PSEN2: variants seen among roughly 807,000 people sequenced by gnomAD.
The protein encoded by PSEN2 is presenilin-2.
Under a neutral mutation model 49.1 loss-of-function variants are expected in PSEN2, and 32 were observed. That is an observed-to-expected ratio of 0.65 (90% CI 0.49 to 0.88). The LOEUF (loss-of-function observed/expected upper bound fraction) is 0.88. Ranked by LOEUF, PSEN2 falls within the 40% of genes least tolerant of loss-of-function variation. The pLI is 0.00. For missense variants in PSEN2, 522 were observed against 586.9 expected, an observed-to-expected ratio of 0.89 and a Z score of 1.14; for synonymous variants, 255 against 244.0, an observed-to-expected ratio of 1.05 and a Z score of -0.42.
intron 2 of PSEN2, among the ~76,000 whole-genome samples, chr1:226,871,654 G>A (rs1335539228): frequency 1.3e-5 from 2 of 152,226 alleles, no homozygotes; most frequent in African/African-American, 4.8e-5. Flanking sequence ...TGTCTACGAA[G>A]TAACTTGATT....
downstream of PSEN2, chr1:226,899,123 A>G (rs959358345): frequency 3.9e-5 from 6 of 152,156 alleles, no homozygotes; most frequent in Non-Finnish European, 7.4e-5. Flanking sequence ...TAATTTTTAA[A>G]TGTTAATGTT....
chr1:226,891,336 C>T lies in PSEN2; in HGVS notation c.945C>T (p.Leu315=), dbSNP rs1661729271. 1.2e-6 allele frequency: 2 copies of T among 1,613,804 alleles called. No homozygotes were observed. Among genetic ancestry groups the T allele is most frequent in the Non-Finnish European group, 1.7e-6 (2 of 1,179,930 alleles). ...TGGACCCCTCCTCTCAGGGTGCCCT[C>T]CAGCTCCCCTACGACCCGGAGATGG... ...AKLDPSSQGA[L]QLPYDPEMEE... The change falls in exon 10 of 13, where the codon CTC becomes CTT. Residue 315 remains leucine (L), a synonymous_variant. Transcript: ENST00000366783.
intron 3 of PSEN2, among the ~76,000 whole-genome samples, chr1:226,878,593 G>C (rs1660782423): frequency 6.6e-6 from 1 of 152,172 alleles, no homozygotes; most frequent in Admixed American, 6.5e-5. Context: ...GGGTCTGAAG[G>C]GTGAGCCTGC....
intron 4 of PSEN2, among the ~76,000 whole-genome samples, chr1:226,882,539 A>G (rs1661067959): frequency 6.6e-6 from 1 of 152,180 alleles, no homozygotes; most frequent in South Asian, 2.1e-4. Flanking sequence ...AACGTTAGAA[A>G]GAGTAGGATA....
downstream of PSEN2, among the ~76,000 whole-genome samples, chr1:226,897,009 C>G (rs1253292517): frequency 1.3e-5 from 2 of 152,094 alleles, no homozygotes; most frequent in African/African-American, 4.8e-5. Context: ...TGAGGAAGGG[C>G]AGAGGAAAAT....
At position 226,894,068 on chromosome 1, in the gene PSEN2, T is replaced by C. The variant is rs761844882; in HGVS notation, c.1134T>C (p.Ala378=). ...ACAGTGTGCTGGTGGGCAAGGCGGC[T>C]GCCACGGGCAGCGGGGACTGGAATA... ...IFYSVLVGKA[A]ATGSGDWNTT... The change falls in exon 12 of 13, where the codon GCT becomes GCC. Residue 378 remains alanine, a synonymous_variant. Coordinates refer to ENST00000366783, the MANE Select transcript of PSEN2 (RefSeq NM_000447.3). 7 of 1,614,232 alleles carry C rather than the reference T, an allele frequency of 4.3e-6. No individual in the cohort carries two copies. Among genetic ancestry groups the C allele is most frequent in the Non-Finnish European group, 5.9e-6 (7 of 1,180,036 alleles).
intron 9 of PSEN2, chr1:226,890,492 G>T (rs1287244270): frequency 9.0e-6 from 3 of 332,530 alleles, no homozygotes; most frequent in Admixed American, 4.1e-5. Context: ...GGGTCGGGGA[G>T]CAAGGAGCTT....
downstream of PSEN2, among the ~76,000 whole-genome samples, chr1:226,900,725 C>T (rs987290331): frequency 6.6e-6 from 1 of 152,146 alleles, no homozygotes. Flanking sequence ...AGATACTTGT[C>T]AGTACATGTG....
chr1:226,886,447 A>G (rs1283440243), intron 6 of PSEN2, among the ~76,000 whole-genome samples: 1 of 152,166 alleles, frequency 6.6e-6, no homozygotes, highest in African/African-American at 2.4e-5. Context: ...GAGTAGTGGA[A>G]GGGCAGATCC....
At chr1:226,898,636 C>CA (rs1198497089), downstream of PSEN2, 5 of 152,126 alleles carry the variant, frequency 3.3e-5, no homozygotes, top group Non-Finnish European at 7.3e-5. Context: ...TTTTTTTAGA[C>CA]AGAGTCTCGC....
intron 3 of PSEN2, among the ~76,000 whole-genome samples, chr1:226,877,895 G>A (rs1660734352): frequency 6.6e-6 from 1 of 152,160 alleles, no homozygotes; most frequent in African/African-American, 2.4e-5. Context: ...GGCAGTCAGC[G>A]AGTGTGGATG....
At chr1:226,902,288 C>T (rs764377971) in intron 12 of PSEN2, among the ~76,000 whole-genome samples, 20 of 152,142 alleles carry the variant, frequency 1.3e-4, no homozygotes, top group Non-Finnish European at 2.2e-4. Flanking sequence ...TGGTAATGCT[C>T]ATCTCCACCG....
intron 2 of PSEN2, among the ~76,000 whole-genome samples, chr1:226,873,990 G>A (rs372021951): frequency 7.9e-5 from 12 of 152,180 alleles, no homozygotes; most frequent in East Asian, 5.8e-4. Context: ...TCCTCCCCAT[G>A]CCCATATGTG....
At chr1:226,888,070 C>A (rs779026658) in intron 6 of PSEN2, 21 bp from the exon 7 acceptor site, 6 of 1,604,836 alleles carry the variant, frequency 3.7e-6, no homozygotes, top group Non-Finnish European at 5.1e-6. Context: ...ACCTTGTGAT[C>A]GTGCAATTTC....
rs1270484978 is a variant in PSEN2 at position 226,872,811 on chromosome 1, C to A, written c.-207+1407C>A. Among the ~76,000 whole-genome samples the A allele has an allele frequency of 4.6e-5, 7 of 152,264 alleles. No homozygotes were observed. The East Asian group carries it at 1.3e-3, about 29-fold the overall frequency. On this transcript the variant is annotated intron_variant, in intron 2 of 12. Transcript: ENST00000366783. Reference sequence around the variant, plus strand: ...GAAAGGCGGGGGTGAGGCTGAGAGGCCCCGAGAGGAACATTTTCCACTGGG... The same window carrying A: ...GAAAGGCGGGGGTGAGGCTGAGAGGACCCGAGAGGAACATTTTCCACTGGG...
At position 226,886,642 on chromosome 1, in the gene PSEN2, G is replaced by A. The variant is rs117310559; in HGVS notation, c.498+963G>A. On this transcript the variant is annotated intron_variant, in intron 6 of 12. Coordinates refer to ENST00000366783, the MANE Select transcript of PSEN2 (RefSeq NM_000447.3). ...CCTCACAGCATTTTTTGTTCAGGCCGCTGCCATCCATGGAGCAGGTAGATA... is the reference window on the plus strand; with the variant it reads ...CCTCACAGCATTTTTTGTTCAGGCCACTGCCATCCATGGAGCAGGTAGATA... Among the ~76,000 whole-genome samples, 889 of 152,320 alleles carry A rather than the reference G, an allele frequency of 5.8e-3. 28 individuals carry two copies. The highest frequency in any genetic ancestry group is 0.057 in the East Asian group (295 of 5,182).
chr1:226,892,405 G>A (rs1405767195), intron 11 of PSEN2, among the ~76,000 whole-genome samples: 1 of 152,180 alleles, frequency 6.6e-6, no homozygotes, highest in Non-Finnish European at 1.5e-5. Flanking sequence ...CTTGCAAACA[G>A]GCCTGGAGAC....
chr1:226,883,178 C>T (rs1404095164), intron 4 of PSEN2, among the ~76,000 whole-genome samples: 1 of 152,218 alleles, frequency 6.6e-6, no homozygotes, highest in Non-Finnish European at 1.5e-5. Context: ...CTCTCTAGTT[C>T]AGAGCTACAA....
Position 226,893,989 on chromosome 1 carries a change from C to G in PSEN2, c.1073-18C>G, listed in dbSNP as rs200432520. 2.9e-5 allele frequency: 46 copies of G among 1,595,448 alleles called. No individual in the cohort carries two copies. Among genetic ancestry groups the G allele is most frequent in the Non-Finnish European group, 3.9e-5 (45 of 1,163,040 alleles). The stretch of plus-strand genomic sequence containing the variant: ...GTGCACGCCTCTTCAGTACGGGTTA[C>G]TGTCTCTCCTCACACAGGGGGCGTG... On this transcript the variant is annotated intron_variant, in intron 11 of 12. Transcript: ENST00000366783.
Sources: allele counts gnomAD v4.1 joint callset (sites outside exome capture counted in the v4.1 genomes callset), GRCh38; gene constraint gnomAD v4.1.1; transcripts MANE v1.5; gene names NCBI Gene and HGNC (gene_info 2026-07-23, HGNC 2026-07-21).